The following MCF2L2 variants were observed in gnomAD, a reference collection of about 807,000 sequenced individuals.
MCF2L2 encodes MCF.2 cell line derived transforming sequence-like 2.
MCF2L2 carries 102 observed loss-of-function variants against 150.2 expected under a neutral mutation model. The observed-to-expected ratio is 0.68, with a 90% CI of 0.58 to 0.80. The LOEUF is 0.80. MCF2L2 is among the 30% of genes least tolerant of loss of function. MCF2L2 has a pLI of 0.00. For missense variants in MCF2L2, 1,256 were observed against 1,372.8 expected, an observed-to-expected ratio of 0.91 and a Z score of 1.34; for synonymous variants, 465 against 491.3, an observed-to-expected ratio of 0.95 and a Z score of 0.71.
chr3:183,407,566 T>G (rs12491399), intron 1 of MCF2L2, among the ~76,000 whole-genome samples: 39,933 of 152,112 alleles, frequency 0.26, 6,070 homozygotes, highest in Non-Finnish European at 0.36. Context: ...TTCTTCTGCT[T>G]CTTTTTTAGA....
chr3:183,325,817 G>A (rs946347314), intron 5 of MCF2L2, among the ~76,000 whole-genome samples: 3 of 152,138 alleles, frequency 2.0e-5, no homozygotes, highest in African/African-American at 7.2e-5. Flanking sequence ...TTTAGATGAC[G>A]AAGAGGAATT....
At chr3:183,358,175 C>T (rs1397426507) in intron 3 of MCF2L2, among the ~76,000 whole-genome samples, 1 of 152,088 alleles carries the variant, frequency 6.6e-6, no homozygotes, top group Non-Finnish European at 1.5e-5. Flanking sequence ...CCTGTAATCC[C>T]AGCTACTTGG....
rs1331150878 is a variant in MCF2L2, at chr3:183,283,668, C to A, written c.1776+5452G>T. 6.6e-6 allele frequency among the ~76,000 whole-genome samples: 1 copy of A among 152,002 alleles called. No individual in the cohort carries two copies. Among genetic ancestry groups the A allele is most frequent in the Non-Finnish European group, 1.5e-5 (1 of 67,994 alleles). On this transcript the variant is annotated intron_variant, in intron 14 of 29. Coordinates refer to ENST00000328913, the MANE Select transcript of MCF2L2 (RefSeq NM_015078.4). The surrounding 1 kb of genome is among the most constrained non-coding windows in gnomAD (Gnocchi z 4.2). Reference sequence around the variant, plus strand: ...TCCTGAGTAGCTGGGATTACAGGTGCCCGCCACCATGCCCAGCTAATTTTT... The same window carrying A: ...TCCTGAGTAGCTGGGATTACAGGTGACCGCCACCATGCCCAGCTAATTTTT...
At chr3:183,295,727 G>A (rs1389063552) in intron 12 of MCF2L2, among the ~76,000 whole-genome samples, 1 of 152,098 alleles carries the variant, frequency 6.6e-6, no homozygotes, top group Admixed American at 6.5e-5. Flanking sequence ...GGCGTCTCCA[G>A]TGCCTGGAAC....
intron 1 of MCF2L2, among the ~76,000 whole-genome samples, chr3:183,400,792 A>G (rs1714712006): frequency 6.6e-6 from 1 of 152,014 alleles, no homozygotes; most frequent in South Asian, 2.1e-4. Flanking sequence ...ATCACAAGAC[A>G]CAAATCAGGC....
At chr3:183,190,959 C>T (rs1282966707) in intron 27 of MCF2L2, among the ~76,000 whole-genome samples, 2 of 152,216 alleles carry the variant, frequency 1.3e-5, no homozygotes, top group African/African-American at 4.8e-5. Context: ...GATCTTGACT[C>T]ACCACAATCT....
chr3:183,207,874 G>A, intron 22 of MCF2L2, 51 bp from the exon 23 acceptor site: 1 of 1,415,386 alleles, frequency 7.1e-7, no homozygotes, highest in Non-Finnish European at 9.9e-7. Context: ...ACTTGACAGA[G>A]AAAGAAGCCT....
intron 1 of MCF2L2, among the ~76,000 whole-genome samples, chr3:183,426,110 G>C (rs1716151731): frequency 6.6e-6 from 1 of 152,224 alleles, no homozygotes; most frequent in African/African-American, 2.4e-5. Context: ...AGGGTCATTA[G>C]AGGTTGAAAG....
chr3:183,392,617 T>C (rs2108601778), intron 1 of MCF2L2, among the ~76,000 whole-genome samples: 1 of 152,328 alleles, frequency 6.6e-6, no homozygotes, highest in South Asian at 2.1e-4. Flanking sequence ...GAAGTCTTCC[T>C]AGCAAAGGAG....
At chr3:183,247,392 G>T (rs1724306678) in intron 15 of MCF2L2, among the ~76,000 whole-genome samples, 1 of 152,158 alleles carries the variant, frequency 6.6e-6, no homozygotes, top group Non-Finnish European at 1.5e-5. Context: ...TCAACACTCT[G>T]GTTCAGAAGC....
At chr3:183,311,590 G>A (rs1729380573) in intron 8 of MCF2L2, 58 bp downstream of exon 8, 1 of 1,598,926 alleles carries the variant, frequency 6.3e-7, no homozygotes. Flanking sequence ...GGTTGCTCCA[G>A]AACATCTAGG....
At position 183,418,294 on chromosome 3, in the gene MCF2L2, A is replaced by T. The variant is rs543252644; in HGVS notation, c.76+9608T>A. On this transcript the variant is annotated intron_variant, in intron 1 of 29. Transcript: ENST00000328913. ...CCCCATGATCCAATCACCTCCCAGG[A>T]GGTCCCTCCCTCAACATGTGGGGAC... 7.7e-3 allele frequency among the ~76,000 whole-genome samples: 1,176 copies of T among 152,336 alleles called. 9 individuals carry two copies. Among genetic ancestry groups the T allele is most frequent in the Non-Finnish European group, 0.014 (930 of 68,030 alleles).
intron 7 of MCF2L2, 30 bp downstream of exon 7, chr3:183,318,038 C>A: frequency 6.2e-7 from 1 of 1,608,882 alleles, no homozygotes; most frequent in Non-Finnish European, 8.5e-7. Context: ...GGCACAGACA[C>A]TGGCCTCTGA....
In MCF2L2 at chr3:183,227,826, GA is replaced by G. The variant is rs1723400085; in HGVS notation, c.2115+470del. On this transcript the variant is annotated intron_variant, in intron 18 of 29. Transcript: ENST00000328913. This position sits in a 1 kb window ranked among gnomAD's most constrained non-coding sequence, Gnocchi z 4.0. Reference sequence around the variant, plus strand: ...GGGCAGATACAAGATATACTGTCTTGACAAATTGCAAGTGTACAGTACAGTA... The same window carrying G: ...GGGCAGATACAAGATATACTGTCTTGCAAATTGCAAGTGTACAGTACAGTA... The G allele has an allele frequency of 6.6e-6, 1 of 152,454 alleles. No homozygotes were observed. Among genetic ancestry groups the G allele is most frequent in the South Asian group, 2.1e-4 (1 of 4,842 alleles). The allele number at this position is 152,454 out of a possible 1,614,324, so 9.4% of individuals were successfully genotyped here.
At chr3:183,331,128 T>G (rs926622733) in intron 5 of MCF2L2, among the ~76,000 whole-genome samples, 1 of 152,184 alleles carries the variant, frequency 6.6e-6, no homozygotes, top group Non-Finnish European at 1.5e-5. Flanking sequence ...TACCTTGCCC[T>G]AAGTCATCCC....
At chr3:183,282,252 C>T (rs1205755870) in intron 14 of MCF2L2, among the ~76,000 whole-genome samples, 1 of 151,880 alleles carries the variant, frequency 6.6e-6, no homozygotes, top group Non-Finnish European at 1.5e-5. Flanking sequence ...AATCTCAGCT[C>T]ACTGCAAGCT....
intron 3 of MCF2L2, among the ~76,000 whole-genome samples, chr3:183,343,762 T>C (rs1260526891): frequency 6.6e-6 from 1 of 152,218 alleles, no homozygotes; most frequent in Admixed American, 6.5e-5. Flanking sequence ...CAACTGTGTT[T>C]TTTATTTCTC....
intron 14 of MCF2L2, 120 bp from the exon 15 acceptor site, chr3:183,277,077 C>T (rs1288604914): frequency 1.6e-6 from 1 of 643,698 alleles, no homozygotes; most frequent in African/African-American, 1.9e-5. Flanking sequence ...GCAAAATATC[C>T]AGTTTCTCAT....
At chr3:183,262,676 C>T (rs927455576) in intron 15 of MCF2L2, among the ~76,000 whole-genome samples, 1 of 150,660 alleles carries the variant, frequency 6.6e-6, no homozygotes, top group Middle Eastern at 3.2e-3. Context: ...CTGATGTCTC[C>T]TCCTTTCTCT....
Sources: gnomAD v4.1 joint callset for allele counts (sites outside exome capture counted in the v4.1 genomes callset) on GRCh38, gnomAD v4.1.1 for gene constraint, Gnocchi (gnomAD v3.1) non-coding constraint, MANE v1.5 for transcripts, NCBI Gene and HGNC (gene_info 2026-07-23, HGNC 2026-07-21) for gene names.